Variants in PCDHGA11 observed in about 807,000 individuals in gnomAD.
PCDHGA11 encodes protocadherin gamma subfamily A, 11, also known as protocadherin gamma-A11.
PCDHGA11 carries 39 observed loss-of-function variants against 60.4 expected under a neutral mutation model. The ratio of observed to expected loss-of-function variants is 0.65; its 90% CI spans 0.50 to 0.84. The LOEUF (loss-of-function observed/expected upper bound fraction) is 0.84, where lower values mean the gene tolerates loss of function less well. Among genes scored for constraint, PCDHGA11 ranks in the 40% least tolerant of loss-of-function variants. The pLI is 0.00. For missense variants in PCDHGA11, 1,165 were observed against 1,197.7 expected (o/e 0.97, Z 0.40); for synonymous variants, 533 against 510.3 (o/e 1.04, Z -0.60).
intron 1 of PCDHGA11, among the ~76,000 whole-genome samples, chr5:141,483,361 A>C (rs752805137): frequency 4.6e-5 from 7 of 152,102 alleles, no homozygotes; most frequent in Non-Finnish European, 7.4e-5. Flanking sequence ...TTTGAAAGCT[A>C]TTGCAATATT....
In PCDHGA11 at chr5:141,421,325, G is replaced by A; in HGVS notation, c.98G>A (p.Arg33Gln). 1 of 1,613,906 alleles carries A rather than the reference G, an allele frequency of 6.2e-7. No homozygotes were observed. The highest frequency in any genetic ancestry group is 8.5e-7 in the Non-Finnish European group (1 of 1,179,874). ...CGGGGGTTCCGGGCCAGGCAGATCCGATATTCGGTGCCAGAAGAGACCGAA... is the reference window on the plus strand; with the variant it reads ...CGGGGGTTCCGGGCCAGGCAGATCCAATATTCGGTGCCAGAAGAGACCGAA... ...TLRGFRARQI[R>Q]YSVPEETEKG... The change falls in exon 1 of 4, where the codon CGA becomes CAA. Residue 33 changes from arginine (R) to glutamine (Q), a missense_variant. By Grantham distance (43) the Arg-to-Gln change is conservative. Coordinates refer to ENST00000398587, the MANE Select transcript of PCDHGA11 (RefSeq NM_018914.3).
intron 2 of PCDHGA11, among the ~76,000 whole-genome samples, chr5:141,500,329 C>G (rs1384834356): frequency 6.6e-6 from 1 of 151,986 alleles, no homozygotes; most frequent in Non-Finnish European, 1.5e-5. Flanking sequence ...CTGCCTCAGC[C>G]TCCAGAATAG....
intron 1 of PCDHGA11, chr5:141,427,774 G>C: frequency 7.0e-7 from 1 of 1,420,908 alleles, no homozygotes; most frequent in Non-Finnish European, 9.8e-7. Context: ...TTGGAGCTGC[G>C]GGCACTGTCG....
At chr5:141,483,273 T>G (rs6860615) in intron 1 of PCDHGA11, among the ~76,000 whole-genome samples, 62,442 of 151,936 alleles carry the variant, frequency 0.41, 15,417 homozygotes, top group African/African-American at 0.7. Flanking sequence ...GTTTTAGAAA[T>G]ATTATTCTGT....
intron 1 of PCDHGA11, among the ~76,000 whole-genome samples, chr5:141,429,712 C>T (rs998121271): frequency 1.3e-5 from 2 of 151,994 alleles, no homozygotes; most frequent in African/African-American, 2.4e-5. Flanking sequence ...TAAATATTTA[C>T]GCTCATGAAA....
At chr5:141,454,034 G>A (rs530844564) in intron 1 of PCDHGA11, among the ~76,000 whole-genome samples, 10 of 152,270 alleles carry the variant, frequency 6.6e-5, no homozygotes, top group African/African-American at 2.4e-4. Context: ...GAATTGGCCA[G>A]CAAAGATAAA....
chr5:141,480,837 G>T (rs1435750544), intron 1 of PCDHGA11, among the ~76,000 whole-genome samples: 2 of 152,168 alleles, frequency 1.3e-5, no homozygotes, highest in African/African-American at 4.8e-5. Flanking sequence ...ATAAGATCAG[G>T]AGTTTGAGAC....
Position 141,431,877 on chromosome 5 carries a change from AC to A in PCDHGA11, c.2433+8219del. 1 of 1,614,230 alleles carries A rather than the reference AC, an allele frequency of 6.2e-7. No individual in the cohort carries two copies. The highest frequency in any genetic ancestry group is 1.3e-5 in the African/African-American group (1 of 75,070). ...TTAATTGCCCTTTTAAATGTAAATGACCAAGATTCTGAGGAAAACGGACAGG... is the reference window on the plus strand; with the variant it reads ...TTAATTGCCCTTTTAAATGTAAATGACAAGATTCTGAGGAAAACGGACAGG... On this transcript the variant is annotated intron_variant, in intron 1 of 3. Coordinates refer to ENST00000398587, the MANE Select transcript of PCDHGA11 (RefSeq NM_018914.3). The surrounding 1 kb of genome is among the most constrained non-coding windows in gnomAD (Gnocchi z 4.8).
At chr5:141,507,531 C>T (rs1467914007) in intron 3 of PCDHGA11, among the ~76,000 whole-genome samples, 3 of 151,964 alleles carry the variant, frequency 2.0e-5, no homozygotes, top group African/African-American at 7.2e-5. Flanking sequence ...CCAGAGAGGC[C>T]AGAGACTGAG....
intron 1 of PCDHGA11, among the ~76,000 whole-genome samples, chr5:141,434,259 G>A (rs1452016594): frequency 6.6e-6 from 1 of 152,230 alleles, no homozygotes; most frequent in Non-Finnish European, 1.5e-5. Flanking sequence ...CATTGTGGGG[G>A]AGGTGGAAAT....
At chr5:141,441,730 A>ATGGT in intron 1 of PCDHGA11, 1 of 362,748 alleles carries the variant, frequency 2.8e-6, no homozygotes, top group South Asian at 2.2e-5. Flanking sequence ...CGCGACCAGG[A>ATGGT]CTAGCTCGCG....
chr5:141,464,973 TTC>T (rs2154568681), intron 1 of PCDHGA11, among the ~76,000 whole-genome samples: 1 of 152,092 alleles, frequency 6.6e-6, no homozygotes, highest in East Asian at 1.9e-4. Flanking sequence ...AACTACTGGC[TTC>T]AAGTGATCCT....
intron 1 of PCDHGA11, chr5:141,428,232 G>C (rs546567556): frequency 9.3e-7 from 1 of 1,071,494 alleles, no homozygotes; most frequent in African/African-American, 1.5e-5. Context: ...CAGACAGCCT[G>C]CAGGAGGCAC....
Position 141,423,658 on chromosome 5 carries a change from CA to C in PCDHGA11, c.2432del (p.Gln811ArgfsTer44). 6.4e-7 allele frequency: 1 copy of C among 1,571,150 alleles called. No individual in the cohort carries two copies. The highest frequency in any genetic ancestry group is 8.6e-7 in the Non-Finnish European group (1 of 1,162,252). The stretch of plus-strand genomic sequence containing the variant: ...AGGCAAATGTGACCCGACAAGTAAT[CA>C]GGTGAGATTTATTTCTCTGCCTCCT... ...ILGKCDPTSNQQAPPNTDWRF... is the reference protein window; with the variant it reads ...ILGKCDPTSNXQAPPNTDWRF... On this transcript the variant is annotated frameshift_variant and splice_region_variant, in exon 1 of 4. Transcript: ENST00000398587. LOFTEE classifies it high-confidence loss of function.
At chr5:141,434,693 T>C (rs2097710124) in intron 1 of PCDHGA11, among the ~76,000 whole-genome samples, 1 of 152,034 alleles carries the variant, frequency 6.6e-6, no homozygotes, top group Non-Finnish European at 1.5e-5. Context: ...TTGCTGTTAA[T>C]AAATATGTGG....
In PCDHGA11 at chr5:141,494,849, A is replaced by C; in HGVS notation, c.2476A>C (p.Arg826=). ...NTDWRFSQAQ[R]PGTSGSQNGD... ...GGACTGGCGTTTCTCTCAGGCCCAG[A>C]GACCCGGCACCAGCGGGTAGGTGAC... Residue 826 remains arginine, a synonymous_variant, in exon 2 of 4, where the codon AGA becomes CGA. Transcript: ENST00000398587. 1 of 1,614,102 alleles carries C rather than the reference A, an allele frequency of 6.2e-7. No individual in the cohort carries two copies. Among genetic ancestry groups the C allele is most frequent in the Non-Finnish European group, 8.5e-7 (1 of 1,180,014 alleles).
chr5:141,485,226 T>C lies in PCDHGA11; in HGVS notation c.2434-9581T>C. ...GAAATCTGGCGGTGGGCTACCCTTT[T>C]GTTCCTCTTTTACCACCTGGGTTAC... On this transcript the variant is annotated intron_variant, in intron 1 of 3. Transcript: ENST00000398587. The surrounding 1 kb of genome is among the most constrained non-coding windows in gnomAD (Gnocchi z 5.7). 1.9e-6 allele frequency: 3 copies of C among 1,614,170 alleles called. No homozygotes were observed. Among genetic ancestry groups the C allele is most frequent in the Non-Finnish European group, 2.5e-6 (3 of 1,180,026 alleles).
chr5:141,427,820 G>A (rs2097075272), intron 1 of PCDHGA11: 2 of 1,532,144 alleles, frequency 1.3e-6, no homozygotes, highest in East Asian at 4.5e-5. Flanking sequence ...GCGGGGTGGT[G>A]GTCGCGCAGC....
intron 1 of PCDHGA11, among the ~76,000 whole-genome samples, chr5:141,425,967 G>A (rs1021171082): frequency 2.0e-5 from 3 of 152,214 alleles, no homozygotes; most frequent in Non-Finnish European, 4.4e-5. Flanking sequence ...CAACACATCA[G>A]TCTAATTCTG....
Sources: allele counts gnomAD v4.1 joint callset (sites outside exome capture counted in the v4.1 genomes callset), GRCh38; gene constraint gnomAD v4.1.1; non-coding constraint Gnocchi (gnomAD v3.1); transcripts MANE v1.5; gene names NCBI Gene and HGNC (gene_info 2026-07-23, HGNC 2026-07-21).